OCLN: variants seen among roughly 807,000 people sequenced by gnomAD.
OCLN encodes occludin.
In OCLN, 21 loss-of-function variants were observed where a neutral mutation model predicts 47.9. That is an observed-to-expected ratio of 0.44 (90% CI 0.31 to 0.63). The LOEUF is 0.63. Among genes scored for constraint, OCLN ranks in the 30% least tolerant of loss-of-function variants. OCLN has a pLI of 0.08. For synonymous variants in OCLN, 117 were observed against 198.4 expected (o/e 0.59, Z 3.45); for missense variants, 360 against 571.0 (o/e 0.63, Z 3.77).
At chr5:69,528,398 C>T (rs1023900744) in intron 4 of OCLN, among the ~76,000 whole-genome samples, 2 of 49,330 alleles carry the variant, frequency 4.1e-5, no homozygotes, top group Non-Finnish European at 8.7e-5. Context: ...TAAACGCTGA[C>T]CTAAACAAAG....
intron 4 of OCLN, among the ~76,000 whole-genome samples, chr5:69,523,527 C>CTTT (rs766265503): frequency 7.1e-6 from 1 of 140,538 alleles, no homozygotes; most frequent in South Asian, 2.3e-4. Context: ...TAATGATTAC[C>CTTT]TTTTTTTTTT....
chr5:69,525,985 G>A (rs896598952), intron 4 of OCLN, among the ~76,000 whole-genome samples: 2 of 152,116 alleles, frequency 1.3e-5, no homozygotes, highest in African/African-American at 4.8e-5. Context: ...AGAAAACCAG[G>A]CACTGTCAGG....
At chr5:69,526,871 G>T (rs78811453) in intron 4 of OCLN, among the ~76,000 whole-genome samples, 2 of 152,196 alleles carry the variant, frequency 1.3e-5, no homozygotes, top group African/African-American at 2.4e-5. Context: ...ATCCGTGAAT[G>T]GGGTCCTGAT....
At chr5:69,518,279 C>G (rs952394189) in intron 4 of OCLN, among the ~76,000 whole-genome samples, 1 of 152,124 alleles carries the variant, frequency 6.6e-6, no homozygotes, top group Non-Finnish European at 1.5e-5. Context: ...TCTCTAGTAA[C>G]AAGTATTTTC....
chr5:69,516,981 G>C (rs1311542327), intron 4 of OCLN, among the ~76,000 whole-genome samples: 1 of 152,154 alleles, frequency 6.6e-6, no homozygotes, highest in Non-Finnish European at 1.5e-5. Flanking sequence ...AATCACTGGA[G>C]CATGGGAGGT....
At chr5:69,533,735 C>T (rs904416999) in intron 4 of OCLN, among the ~76,000 whole-genome samples, 1 of 152,208 alleles carries the variant, frequency 6.6e-6, no homozygotes, top group Non-Finnish European at 1.5e-5. Context: ...TCACTGCAAC[C>T]TCCGCCTCTC....
intron 4 of OCLN, among the ~76,000 whole-genome samples, chr5:69,533,452 T>C (rs1231152798): frequency 6.6e-6 from 1 of 152,138 alleles, no homozygotes; most frequent in Non-Finnish European, 1.5e-5. Flanking sequence ...ATAACGTTGT[T>C]ACATCGTCGA....
At chr5:69,523,503 C>CCA (rs1769196881) in intron 4 of OCLN, among the ~76,000 whole-genome samples, 3 of 150,206 alleles carry the variant, frequency 2.0e-5, no homozygotes, top group Non-Finnish European at 4.4e-5. Context: ...CCAGTAGATT[C>CCA]TTAGGAAAAA....
At chr5:69,510,813 T>C (rs1768762482) in intron 3 of OCLN, among the ~76,000 whole-genome samples, 1 of 152,234 alleles carries the variant, frequency 6.6e-6, no homozygotes, top group Admixed American at 6.5e-5. Context: ...TTTAATCTTT[T>C]GGGGAGCTAC....
chr5:69,515,284 AC>A lies in OCLN; in HGVS notation c.891+1182del, dbSNP rs1461293530. ...GGGCGGCTGGCCGGGCGGGGGGCTG[AC>A]CCCCCCACCTCCTTCCCGGATGGGG... On this transcript the variant is annotated intron_variant, in intron 4 of 8. Transcript: ENST00000396442. Among the ~76,000 whole-genome samples, 7 of 130,156 alleles carry A rather than the reference AC, an allele frequency of 5.4e-5. No homozygotes were observed. The South Asian group carries it at 1.7e-3, about 32-fold the overall frequency. The allele number at this position is 130,156 out of a possible 152,430, so 85.4% of individuals were successfully genotyped here.
chr5:69,516,403 A>G (rs948568551), intron 4 of OCLN, among the ~76,000 whole-genome samples: 22 of 152,150 alleles, frequency 1.4e-4, no homozygotes, highest in African/African-American at 5.3e-4. Context: ...AGGCTGAGGC[A>G]GGAGAATCAG....
rs2112101056 is a variant in OCLN at position 69,554,347 on chromosome 5, T to G, written c.*676T>G. 6.6e-6 allele frequency: 1 copy of G among 152,008 alleles called. No homozygotes were observed. The highest frequency in any genetic ancestry group is 1.9e-4 in the East Asian group (1 of 5,204). The allele number at this position is 152,008 out of a possible 1,614,324, so 9.4% of individuals were successfully genotyped here. A position where few individuals can be genotyped will look rare whatever the true frequency, so the allele number is the denominator to read the frequency against. Reference sequence around the variant, plus strand: ...TAAAGATTGTAAATATATATTTACTTTTTTAAGATCAAAGTTTAAACCCCG... The same window carrying G: ...TAAAGATTGTAAATATATATTTACTGTTTTAAGATCAAAGTTTAAACCCCG... On this transcript the variant is annotated 3_prime_UTR_variant, in exon 9 of 9. Coordinates refer to ENST00000396442, the MANE Select transcript of OCLN (RefSeq NM_001205254.2).
At position 69,493,110 on chromosome 5, in the gene OCLN, G is replaced by A. The variant is rs539981667; in HGVS notation, c.-69+210G>A. 6.6e-6 allele frequency among the ~76,000 whole-genome samples: 1 copy of A among 152,332 alleles called. No individual in the cohort carries two copies. The highest frequency in any genetic ancestry group is 2.1e-4 in the South Asian group (1 of 4,830). On this transcript the variant is annotated intron_variant, in intron 1 of 8. Coordinates refer to ENST00000396442, the MANE Select transcript of OCLN (RefSeq NM_001205254.2). The surrounding 1 kb of genome is among the most constrained non-coding windows in gnomAD (Gnocchi z 5.3). ...CGGCCAACTTGGGAGGCTGCCTCCT[G>A]GGGCGAGGGGTGGCTTGGAGCCGCC...
At chr5:69,502,380 A>C (rs991858239) in intron 1 of OCLN, 7 of 152,168 alleles carry the variant, frequency 4.6e-5, no homozygotes, top group African/African-American at 1.7e-4. Context: ...ATACCTTTTA[A>C]AGTTACTCTG....
In OCLN at chr5:69,493,306, C is replaced by T. The variant is rs1207003762; in HGVS notation, c.-69+406C>T. Among the ~76,000 whole-genome samples the T allele has an allele frequency of 6.6e-6, 1 of 151,918 alleles. No individual in the cohort carries two copies. Among genetic ancestry groups the T allele is most frequent in the South Asian group, 2.1e-4 (1 of 4,822 alleles). On this transcript the variant is annotated intron_variant, in intron 1 of 8. Coordinates refer to ENST00000396442, the MANE Select transcript of OCLN (RefSeq NM_001205254.2). The surrounding 1 kb of genome is among the most constrained non-coding windows in gnomAD (Gnocchi z 5.3). The stretch of plus-strand genomic sequence containing the variant: ...TGGAGAGGGATCCTGCGCCCAGCTC[C>T]TTGGGGGTCCTAAGCCTGAGGCTGC...
intron 1 of OCLN, among the ~76,000 whole-genome samples, chr5:69,499,341 T>A (rs982559163): frequency 1.3e-5 from 2 of 151,828 alleles, no homozygotes; most frequent in Non-Finnish European, 2.9e-5. Context: ...TCCTAGAGTG[T>A]TGGGATTACA....
chr5:69,515,860 G>A (rs1269115248), intron 4 of OCLN, among the ~76,000 whole-genome samples: 1 of 151,384 alleles, frequency 6.6e-6, no homozygotes, highest in African/African-American at 2.4e-5. Flanking sequence ...TCCCAGACGG[G>A]GTGGCGGGGC....
chr5:69,494,037 TG>T (rs1768221567), intron 1 of OCLN, among the ~76,000 whole-genome samples: 3 of 152,138 alleles, frequency 2.0e-5, no homozygotes, highest in Admixed American at 2.0e-4. Flanking sequence ...AGGCAACAGG[TG>T]TATTATTGGG....
chr5:69,554,510 G>C lies in OCLN; in HGVS notation c.*839G>C, dbSNP rs1046531436. 35 of 151,786 alleles carry C rather than the reference G, an allele frequency of 2.3e-4. No homozygotes were observed. Among genetic ancestry groups the C allele is most frequent in the Middle Eastern group, 3.4e-3 (1 of 292 alleles). 9.4% of individuals were successfully genotyped at this position (151,786 alleles called of 1,614,324 possible). A position where few individuals can be genotyped will look rare whatever the true frequency, so the allele number is the denominator to read the frequency against. On this transcript the variant is annotated 3_prime_UTR_variant, in exon 9 of 9. Transcript: ENST00000396442. ...ATTGTGACTTGAACTGTATCTTACA[G>C]GAATGTTCAATTTCTATACATATTT...
Sources: allele counts gnomAD v4.1 joint callset (sites outside exome capture counted in the v4.1 genomes callset), GRCh38; gene constraint gnomAD v4.1.1; non-coding constraint Gnocchi (gnomAD v3.1); transcripts MANE v1.5; gene names NCBI Gene and HGNC (gene_info 2026-07-23, HGNC 2026-07-21).